FAM234A: variants seen among roughly 807,000 people sequenced by gnomAD.
FAM234A encodes the protein protein FAM234A.
FAM234A carries 42 observed loss-of-function variants against 49.1 expected under a neutral mutation model. That is an observed-to-expected ratio of 0.86 (90% CI 0.67 to 1.11). FAM234A has a LOEUF of 1.11. Ranked by LOEUF, FAM234A falls within the 50% of genes least tolerant of loss-of-function variation. The pLI, the probability that FAM234A is intolerant of heterozygous loss-of-function variation, is 0.00. For missense variants in FAM234A, 815 were observed against 745.2 expected, an observed-to-expected ratio of 1.09 and a Z score of -1.09; for synonymous variants, 369 against 316.2, an observed-to-expected ratio of 1.17 and a Z score of -1.77.
At position 263,636 on chromosome 16, in the gene FAM234A, T is replaced by C. The variant is rs556708549; in HGVS notation, c.1113-64T>C. ...ACTGAGGGGCGGACGTGTTCCTGGG[T>C]GCTTCCTTCATCTCAGTCTCCTCAC... On this transcript the variant is annotated intron_variant, in intron 9 of 12. Coordinates refer to ENST00000399932, the MANE Select transcript of FAM234A (RefSeq NM_032039.4). 3.6e-5 allele frequency: 50 copies of C among 1,384,210 alleles called. No individual in the cohort carries two copies. The South Asian group carries it at 5.0e-4, about 14-fold the overall frequency. The allele number at this position is 1,384,210 out of a possible 1,614,324, so 85.7% of individuals were successfully genotyped here.
In FAM234A at chr16:263,695, T is replaced by C; in HGVS notation, c.1113-5T>C. ...CTCGTGAGCGCTTCCTCCATATTGT[T>C]CCAGAAAACCCATCTTCGGCCGCTA... On this transcript the variant is annotated splice_region_variant and splice_polypyrimidine_tract_variant and intron_variant, in intron 9 of 12. Transcript: ENST00000399932. 1 of 1,612,454 alleles carries C rather than the reference T, an allele frequency of 6.2e-7. No individual in the cohort carries two copies.
At chr16:261,192 C>T (rs945266101) in intron 5 of FAM234A, 192 bp from the exon 6 acceptor site, 8 of 593,374 alleles carry the variant, frequency 1.3e-5, no homozygotes, top group African/African-American at 3.7e-5. Context: ...ACCACCTCCG[C>T]GTGCTGCTCC....
intron 1 of FAM234A, among the ~76,000 whole-genome samples, chr16:239,290 ACT>A (rs774479574): frequency 1.8e-4 from 22 of 123,946 alleles, no homozygotes; most frequent in Non-Finnish European, 8.6e-5. Flanking sequence ...ACAGAGCAAG[ACT>A]CTGACTCAAG....
chr16:246,884 T>A (rs1190476662), intron 1 of FAM234A: 2 of 152,066 alleles, frequency 1.3e-5, no homozygotes, highest in Non-Finnish European at 2.9e-5. Flanking sequence ...CAAGTGATTC[T>A]CCTGCCTCAG....
In FAM234A at chr16:254,537, T is replaced by C. The variant is rs1390315509; in HGVS notation, c.124T>C (p.Ser42Pro). ...TAACGTGAAAAGCGCGCCTCCACAGTCCCGGCTCTCCCGGTGCCGAGCGGC... is the reference window on the plus strand; with the variant it reads ...TAACGTGAAAAGCGCGCCTCCACAGCCCCGGCTCTCCCGGTGCCGAGCGGC... ...EDNVKSAPPQ[S>P]RLSRCRAAAF... Residue 42 changes from serine to proline, a missense_variant, in exon 3 of 13, where the codon TCC becomes CCC. Physicochemically the swap from Ser to Pro is moderately conservative, Grantham distance 74. Coordinates refer to ENST00000399932, the MANE Select transcript of FAM234A (RefSeq NM_032039.4). 5 of 1,614,218 alleles carry C rather than the reference T, an allele frequency of 3.1e-6. 1 individual carries two copies. In the South Asian group the frequency reaches 3.3e-5, roughly 11 times the overall value.
chr16:266,717 A>G (rs1221299509), downstream of FAM234A, among the ~76,000 whole-genome samples: 1 of 152,170 alleles, frequency 6.6e-6, no homozygotes, highest in Non-Finnish European at 1.5e-5. Flanking sequence ...CGTGCCAGGA[A>G]GCGGTTCTCT....
chr16:242,250 T>G (rs990099085), intron 1 of FAM234A, among the ~76,000 whole-genome samples: 1 of 152,158 alleles, frequency 6.6e-6, no homozygotes, highest in African/African-American at 2.4e-5. Context: ...AGTCTTGGTC[T>G]ATCACCCGGG....
Position 262,479 on chromosome 16 carries a change from C to T in FAM234A, c.897C>T (p.Ser299=), listed in dbSNP as rs760731194. ...GTCTCTACGAGAAGGTGACCGGGAGCGGCGGCCCGTTCAAGAGTGACCCGC... is the reference window on the plus strand; with the variant it reads ...GTCTCTACGAGAAGGTGACCGGGAGTGGCGGCCCGTTCAAGAGTGACCCGC... ...VKGLYEKVTG[S]GGPFKSDPHW... is the part of the protein sequence containing the mutation. The change falls in exon 8 of 13, where the codon AGC becomes AGT. Residue 299 remains serine (S), a synonymous_variant. Transcript: ENST00000399932. The T allele has an allele frequency of 7.4e-6, 12 of 1,611,852 alleles. No homozygotes were observed. Among genetic ancestry groups the T allele is most frequent in the East Asian group, 2.2e-5 (1 of 44,868 alleles).
In FAM234A at chr16:264,992, C is replaced by G; in HGVS notation, c.1629C>G (p.Phe543Leu). The G allele has an allele frequency of 6.2e-7, 1 of 1,610,708 alleles. No homozygotes were observed. Among genetic ancestry groups the G allele is most frequent in the African/African-American group, 1.3e-5 (1 of 75,020 alleles). The change falls in exon 13 of 13, where the codon TTC becomes TTG. Residue 543 changes from phenylalanine to leucine, a missense_variant. Physicochemically the swap from Phe to Leu is conservative, Grantham distance 22. Transcript: ENST00000399932. ...PDSDQAIRDR[F>L]SRLRYQSEA Reference sequence around the variant, plus strand: ...GTGACCAAGCCATCAGGGACCGGTTCTCCCGGCTGCGGTACCAGAGTGAGG... The same window carrying G: ...GTGACCAAGCCATCAGGGACCGGTTGTCCCGGCTGCGGTACCAGAGTGAGG...
At chr16:262,316 G>T (rs1423643631) in intron 7 of FAM234A, 91 bp downstream of exon 7, 2 of 1,571,860 alleles carry the variant, frequency 1.3e-6, no homozygotes, top group Non-Finnish European at 1.7e-6. Flanking sequence ...CTCTCGAGGT[G>T]CTGGAGTCAG....
chr16:254,381 T>A lies in FAM234A; in HGVS notation c.-33T>A, dbSNP rs765242060. The stretch of plus-strand genomic sequence containing the variant: ...CCGACCTCTTGCTTTATCGACACAG[T>A]GACCAGGAGTTAAACTTTGGGATGT... On this transcript the variant is annotated splice_region_variant and 5_prime_UTR_variant, in exon 3 of 13. The change abolishes the stop of an existing upstream ORF in the 5' untranslated region. Coordinates refer to ENST00000399932, the MANE Select transcript of FAM234A (RefSeq NM_032039.4). 1 of 1,609,860 alleles carries A rather than the reference T, an allele frequency of 6.2e-7. No homozygotes were observed. Among genetic ancestry groups the A allele is most frequent in the East Asian group, 2.2e-5 (1 of 44,816 alleles).
chr16:247,675 C>T (rs531906541), intron 1 of FAM234A, among the ~76,000 whole-genome samples: 7 of 152,086 alleles, frequency 4.6e-5, no homozygotes, highest in East Asian at 1.9e-4. Flanking sequence ...TCAGGTACTC[C>T]GCCTGCCTTG....
At chr16:255,651 T>C (rs960660950) in intron 3 of FAM234A, among the ~76,000 whole-genome samples, 1 of 152,190 alleles carries the variant, frequency 6.6e-6, no homozygotes, top group African/African-American at 2.4e-5. Flanking sequence ...CCTAGTCTCC[T>C]GTCTCCAAAG....
chr16:266,350 G>A (rs1425512786), downstream of FAM234A, among the ~76,000 whole-genome samples: 1 of 152,194 alleles, frequency 6.6e-6, no homozygotes, highest in East Asian at 1.9e-4. Flanking sequence ...GGGCACCCTG[G>A]CCCCATGCAA....
downstream of FAM234A, chr16:269,014 C>T (rs1414667767): frequency 3.6e-6 from 5 of 1,401,216 alleles, no homozygotes; most frequent in Non-Finnish European, 4.9e-6. Context: ...AGGTAACAGG[C>T]TCTGCCCTGA....
At position 238,387 on chromosome 16, in the gene FAM234A, A is replaced by G. The variant is rs549761213; in HGVS notation, c.-140+3530A>G. On this transcript the variant is annotated intron_variant, in intron 1 of 12. Coordinates refer to ENST00000399932, the MANE Select transcript of FAM234A (RefSeq NM_032039.4). The stretch of plus-strand genomic sequence containing the variant: ...TGGGACAAGAGTGCCTGGTCCTATG[A>G]TTTCAGCTGGGGTGCTGGCCGTAAT... 8.5e-5 allele frequency among the ~76,000 whole-genome samples: 13 copies of G among 152,174 alleles called. No individual in the cohort carries two copies. The South Asian group carries it at 2.5e-3, about 29-fold the overall frequency.
At chr16:269,674 G>C (rs561051026), downstream of FAM234A, 3 of 1,014,750 alleles carry the variant, frequency 3.0e-6, no homozygotes, top group Admixed American at 4.1e-5. Context: ...CATTGCTGGA[G>C]CCTCCTCCAG....
intron 8 of FAM234A, 111 bp from the exon 9 acceptor site, chr16:263,151 G>A (rs1379268855): frequency 1.5e-6 from 2 of 1,311,616 alleles, no homozygotes; most frequent in East Asian, 4.6e-5. Flanking sequence ...TGAGAAACGG[G>A]TTATGGGGGC....
Position 247,501 on chromosome 16 carries a change from C to T in FAM234A, c.-139-2048C>T, listed in dbSNP as rs572150754. Among the ~76,000 whole-genome samples the T allele has an allele frequency of 3.4e-4, 51 of 151,642 alleles. 1 individual carries two copies. In the South Asian group the frequency reaches 8.6e-3, roughly 25 times the overall value. ...AGGCTTGAGTGCGATGGCTCAATCTCGGCTGACTGCAACCTCTGCCTCCCA... is the reference window on the plus strand; with the variant it reads ...AGGCTTGAGTGCGATGGCTCAATCTTGGCTGACTGCAACCTCTGCCTCCCA... On this transcript the variant is annotated intron_variant, in intron 1 of 12. Coordinates refer to ENST00000399932, the MANE Select transcript of FAM234A (RefSeq NM_032039.4).
Sources: gnomAD v4.1 joint callset for allele counts (sites outside exome capture counted in the v4.1 genomes callset) on GRCh38, gnomAD v4.1.1 for gene constraint, MANE v1.5 for transcripts, NCBI Gene and HGNC (gene_info 2026-07-23, HGNC 2026-07-21) for gene names.